PTPRD: variants seen among roughly 807,000 people sequenced by gnomAD.
The protein encoded by PTPRD is protein tyrosine phosphatase receptor type D.
PTPRD carries 34 observed loss-of-function variants against 214.5 expected under a neutral mutation model. That is an observed-to-expected ratio of 0.16 (90% CI 0.12 to 0.21). The LOEUF is 0.21. PTPRD is among the 10% of genes least tolerant of loss of function. The pLI, the probability that PTPRD is intolerant of heterozygous loss-of-function variation, is 1.00. For synonymous variants in PTPRD, 1,128 were observed against 845.7 expected, an observed-to-expected ratio of 1.33 and a Z score of -5.79; for missense variants, 2,545 against 2,398.7, an observed-to-expected ratio of 1.06 and a Z score of -1.27.
chr9:10,419,082 C>T (rs919095837), intron 2 of PTPRD, among the ~76,000 whole-genome samples: 1 of 151,878 alleles, frequency 6.6e-6, no homozygotes, highest in South Asian at 2.1e-4. Flanking sequence ...GCCCCACCTA[C>T]ACAAAAATTG....
At chr9:8,781,320 C>A (rs926310931) in intron 11 of PTPRD, among the ~76,000 whole-genome samples, 2 of 152,160 alleles carry the variant, frequency 1.3e-5, no homozygotes, top group African/African-American at 4.8e-5. Context: ...TAAAAGCTGT[C>A]TCTGAAGCCT....
At chr9:9,393,251 C>T (rs185757288) in intron 9 of PTPRD, among the ~76,000 whole-genome samples, 12 of 152,222 alleles carry the variant, frequency 7.9e-5, no homozygotes, top group African/African-American at 2.9e-4. Flanking sequence ...TGTCATCTTT[C>T]TCATTAACTC....
chr9:8,852,864 A>C (rs905988434), intron 11 of PTPRD, among the ~76,000 whole-genome samples: 2 of 152,190 alleles, frequency 1.3e-5, no homozygotes, highest in African/African-American at 4.8e-5. Context: ...GCATCAAACT[A>C]AAAATAATTA....
rs894806538 is a variant in PTPRD at position 8,761,328 on chromosome 9, G to C, written c.-103-27382C>G. On this transcript the variant is annotated intron_variant, in intron 11 of 45. Coordinates refer to ENST00000381196, the MANE Select transcript of PTPRD (RefSeq NM_002839.4). ...AGAAGAAAAAAGGTGGTTAAATAAA[G>C]AATAATTTGATAAAGTGATAACATA... 1.2e-4 allele frequency among the ~76,000 whole-genome samples: 18 copies of C among 152,130 alleles called. 1 individual carries two copies. Among genetic ancestry groups the C allele is most frequent in the Admixed American group, 1.3e-4 (2 of 15,262 alleles).
At chr9:10,464,316 T>C (rs2098978763) in intron 2 of PTPRD, among the ~76,000 whole-genome samples, 2 of 151,796 alleles carry the variant, frequency 1.3e-5, no homozygotes, top group East Asian at 1.9e-4. Context: ...GGAGGCTAAA[T>C]TTGCAGTGTG....
chr9:9,540,031 T>A (rs1464062592), intron 8 of PTPRD, among the ~76,000 whole-genome samples: 1 of 151,696 alleles, frequency 6.6e-6, no homozygotes, highest in East Asian at 2.0e-4. Context: ...ATACTCCCCC[T>A]TTCACTCTTC....
At chr9:8,573,184 G>T (rs2091599213) in intron 14 of PTPRD, among the ~76,000 whole-genome samples, 1 of 151,908 alleles carries the variant, frequency 6.6e-6, no homozygotes, top group Non-Finnish European at 1.5e-5. Flanking sequence ...TGACAACTCA[G>T]TGCTGCCATT....
At chr9:10,516,056 T>A (rs955407820) in intron 2 of PTPRD, among the ~76,000 whole-genome samples, 1 of 151,982 alleles carries the variant, frequency 6.6e-6, no homozygotes, top group African/African-American at 2.4e-5. Context: ...ATATCTTTTT[T>A]AAGATATTTA....
At chr9:8,765,075 AG>A (rs2094629087) in intron 11 of PTPRD, among the ~76,000 whole-genome samples, 1 of 152,110 alleles carries the variant, frequency 6.6e-6, no homozygotes, top group African/African-American at 2.4e-5. Flanking sequence ...GCTTCCTTTC[AG>A]GGCCAGGAAG....
intron 11 of PTPRD, among the ~76,000 whole-genome samples, chr9:8,778,216 CT>C (rs2095557962): frequency 6.6e-6 from 1 of 152,182 alleles, no homozygotes; most frequent in Admixed American, 6.5e-5. Context: ...ACAATTTAAA[CT>C]GATTGGCAAA....
intron 14 of PTPRD, among the ~76,000 whole-genome samples, chr9:8,541,892 T>G (rs2078529892): frequency 6.6e-6 from 1 of 152,084 alleles, no homozygotes; most frequent in Admixed American, 6.6e-5. Flanking sequence ...TCAAAAATAT[T>G]AAGAAGCTAT....
At chr9:9,714,468 C>T (rs976397430) in intron 7 of PTPRD, among the ~76,000 whole-genome samples, 36 of 151,074 alleles carry the variant, frequency 2.4e-4, no homozygotes, top group African/African-American at 8.8e-4. Flanking sequence ...ACAAAATGAA[C>T]ATTATAATGA....
chr9:9,670,775 A>T (rs1351429324), intron 7 of PTPRD, among the ~76,000 whole-genome samples: 1 of 152,202 alleles, frequency 6.6e-6, no homozygotes, highest in East Asian at 1.9e-4. Flanking sequence ...GGGTGCACAG[A>T]AGTCAAGAAC....
chr9:8,665,845 T>C (rs2097159466), intron 12 of PTPRD, among the ~76,000 whole-genome samples: 1 of 152,230 alleles, frequency 6.6e-6, no homozygotes. Context: ...GTGTCATTGC[T>C]ACTCCTTAGA....
intron 5 of PTPRD, among the ~76,000 whole-genome samples, chr9:9,857,074 G>A (rs1301002452): frequency 6.6e-6 from 1 of 152,124 alleles, no homozygotes; most frequent in Admixed American, 6.5e-5. Flanking sequence ...CTTTGTGCGG[G>A]CCCCGGGGCA....
At chr9:9,285,628 T>C (rs1293316999) in intron 9 of PTPRD, among the ~76,000 whole-genome samples, 1 of 151,826 alleles carries the variant, frequency 6.6e-6, no homozygotes, top group Non-Finnish European at 1.5e-5. Flanking sequence ...TTGACCATTT[T>C]TTTAATTCTT....
At chr9:9,503,426 A>G (rs2096484251) in intron 8 of PTPRD, among the ~76,000 whole-genome samples, 1 of 151,672 alleles carries the variant, frequency 6.6e-6, no homozygotes, top group Non-Finnish European at 1.5e-5. Context: ...CTCACACTAC[A>G]CATGCCACAC....
intron 3 of PTPRD, among the ~76,000 whole-genome samples, chr9:10,231,981 A>AGTGT (rs1259734289): frequency 1.4e-3 from 139 of 102,428 alleles, no homozygotes; most frequent in Non-Finnish European, 1.7e-3. Context: ...AGAGAGAGAG[A>AGTGT]GAGAGAGAGT....
rs892197711 is a variant in PTPRD at position 8,748,687 on chromosome 9, G to A, written c.-103-14741C>T. Reference sequence around the variant, plus strand: ...AACATTTTGAACAGCCAAGGCAGACGGATCACCTGACGTCAGGAGTTCAAG... The same window carrying A: ...AACATTTTGAACAGCCAAGGCAGACAGATCACCTGACGTCAGGAGTTCAAG... On this transcript the variant is annotated intron_variant, in intron 11 of 45. Transcript: ENST00000381196. Among the ~76,000 whole-genome samples, 4 of 152,076 alleles carry A rather than the reference G, an allele frequency of 2.6e-5. No homozygotes were observed. The East Asian group carries it at 5.8e-4, about 22-fold the overall frequency.
Sources: allele counts gnomAD v4.1 joint callset (sites outside exome capture counted in the v4.1 genomes callset), GRCh38; gene constraint gnomAD v4.1.1; transcripts MANE v1.5; gene names NCBI Gene and HGNC (gene_info 2026-07-23, HGNC 2026-07-21).